The following SDC2 variants were observed in gnomAD, a reference collection of about 807,000 sequenced individuals.
The protein encoded by SDC2 is syndecan 2.
SDC2 carries 13 observed loss-of-function variants against 22.2 expected under a neutral mutation model. The observed-to-expected ratio is 0.59, with a 90% CI of 0.38 to 0.93. The LOEUF (loss-of-function observed/expected upper bound fraction) is 0.93, where lower values mean the gene tolerates loss of function less well. SDC2 is among the 40% of genes least tolerant of loss of function. The pLI is 0.00. For missense variants in SDC2, 235 were observed against 246.8 expected (o/e 0.95, Z 0.32); for synonymous variants, 94 against 92.8 (o/e 1.01, Z -0.07).
In SDC2 at chr8:96,534,745, C is replaced by T. The variant is rs73273564; in HGVS notation, c.60+40414C>T. Among the ~76,000 whole-genome samples, 185 of 151,816 alleles carry T rather than the reference C, an allele frequency of 1.2e-3. 1 individual carries two copies. The highest frequency in any genetic ancestry group is 4.3e-3 in the African/African-American group (180 of 41,416). On this transcript the variant is annotated intron_variant, in intron 1 of 4. Transcript: ENST00000302190. ...AGCCACTGTGCCTGGCTGGCCTTTT[C>T]ACTTTCTATTAATGGTTCTCGGGGT...
intron 1 of SDC2, among the ~76,000 whole-genome samples, chr8:96,562,470 C>T (rs1342142694): frequency 2.0e-5 from 3 of 152,276 alleles, no homozygotes; most frequent in South Asian, 2.1e-4. Context: ...CATGGAGTCC[C>T]TGTGGGACTT....
intron 2 of SDC2, among the ~76,000 whole-genome samples, chr8:96,601,927 T>A (rs1360091794): frequency 6.9e-6 from 1 of 145,458 alleles, no homozygotes; most frequent in Non-Finnish European, 1.5e-5. Context: ...CCCAGCTAAA[T>A]TTTTGAATTT....
At chr8:96,544,945 T>G (rs1430455950) in intron 1 of SDC2, among the ~76,000 whole-genome samples, 1 of 152,190 alleles carries the variant, frequency 6.6e-6, no homozygotes, top group Non-Finnish European at 1.5e-5. Flanking sequence ...GGCCTACCAT[T>G]TAGTTAAATT....
chr8:96,607,053 A>T (rs1815092293), intron 3 of SDC2, among the ~76,000 whole-genome samples: 1 of 152,182 alleles, frequency 6.6e-6, no homozygotes, highest in African/African-American at 2.4e-5. Context: ...CGCAAACGCG[A>T]TTGTGAACTG....
chr8:96,566,486 A>C (rs984275004), intron 1 of SDC2, among the ~76,000 whole-genome samples: 3 of 152,150 alleles, frequency 2.0e-5, no homozygotes, highest in Non-Finnish European at 4.4e-5. Flanking sequence ...ATAACTATCG[A>C]AATGTGGATC....
chr8:96,587,792 C>T (rs1814711145), intron 1 of SDC2, among the ~76,000 whole-genome samples: 1 of 152,096 alleles, frequency 6.6e-6, no homozygotes, highest in African/African-American at 2.4e-5. Flanking sequence ...CCAAGTTCAA[C>T]ACAGCTCTTT....
chr8:96,577,865 C>T (rs1025609482), intron 1 of SDC2, among the ~76,000 whole-genome samples: 1 of 152,186 alleles, frequency 6.6e-6, no homozygotes, highest in Non-Finnish European at 1.5e-5. Flanking sequence ...GCTCCTTTCA[C>T]TTAGCGATGT....
intron 1 of SDC2, among the ~76,000 whole-genome samples, chr8:96,523,019 C>G (rs1813521207): frequency 6.6e-6 from 1 of 152,162 alleles, no homozygotes; most frequent in Non-Finnish European, 1.5e-5. Context: ...CGTATCCTCC[C>G]TTTCAGAGCC....
chr8:96,602,455 T>C lies in SDC2; in HGVS notation c.233T>C (p.Leu78Pro), dbSNP rs377256741. 3.7e-6 allele frequency: 6 copies of C among 1,614,044 alleles called. No homozygotes were observed. Among genetic ancestry groups the C allele is most frequent in the East Asian group, 2.2e-5 (1 of 44,886 alleles). ...ACATCTCGACCACTTCCAAAGATAC[T>C]GTTGACTAGTGCTGCTCCAAAAGTG... ...LTTSRPLPKI[L>P]LTSAAPKVET... is the part of the protein sequence containing the mutation. Residue 78 changes from leucine to proline, a missense_variant, in exon 3 of 5, where the codon CTG becomes CCG. Transcript: ENST00000302190.
chr8:96,552,510 TA>T (rs775594392), intron 1 of SDC2, among the ~76,000 whole-genome samples: 98 of 152,346 alleles, frequency 6.4e-4, no homozygotes, highest in Non-Finnish European at 1.1e-3. Flanking sequence ...TTTGCCATTC[TA>T]AAAAATTGAT....
At chr8:96,535,595 A>G (rs1257449630) in intron 1 of SDC2, among the ~76,000 whole-genome samples, 1 of 152,202 alleles carries the variant, frequency 6.6e-6, no homozygotes, top group Non-Finnish European at 1.5e-5. Flanking sequence ...GACAACGAAG[A>G]GGAATTCCTG....
chr8:96,607,129 C>A (rs1026034945), intron 3 of SDC2, among the ~76,000 whole-genome samples: 1 of 151,718 alleles, frequency 6.6e-6, no homozygotes, highest in Non-Finnish European at 1.5e-5. Flanking sequence ...CCCCCCCACC[C>A]TCCCATTCAT....
intron 1 of SDC2, among the ~76,000 whole-genome samples, chr8:96,531,232 A>G (rs1422806346): frequency 6.6e-6 from 1 of 152,210 alleles, no homozygotes; most frequent in Non-Finnish European, 1.5e-5. Flanking sequence ...GATAAATAGA[A>G]TTTGAGCATT....
intron 2 of SDC2, among the ~76,000 whole-genome samples, chr8:96,596,238 C>T (rs1464922303): frequency 6.6e-6 from 1 of 152,106 alleles, no homozygotes; most frequent in Non-Finnish European, 1.5e-5. Context: ...TCTTTCATTC[C>T]TTTGCTGTGC....
chr8:96,502,331 A>T (rs1477840435), intron 1 of SDC2, among the ~76,000 whole-genome samples: 1 of 152,168 alleles, frequency 6.6e-6, no homozygotes, highest in Non-Finnish European at 1.5e-5. Context: ...CCCTTGAAAT[A>T]TGGGGATTAT....
intron 1 of SDC2, among the ~76,000 whole-genome samples, chr8:96,518,486 A>G (rs561915564): frequency 6.6e-6 from 1 of 151,076 alleles, no homozygotes; most frequent in African/African-American, 2.4e-5. Context: ...TCAGCCTCCC[A>G]AGTAGCTGGG....
chr8:96,587,905 T>A (rs1814713505), intron 1 of SDC2, among the ~76,000 whole-genome samples: 4 of 152,216 alleles, frequency 2.6e-5, no homozygotes, highest in African/African-American at 9.6e-5. Context: ...GACATACATT[T>A]TGAGGTCCCA....
At chr8:96,607,555 A>G (rs1815102038) in intron 3 of SDC2, among the ~76,000 whole-genome samples, 1 of 152,206 alleles carries the variant, frequency 6.6e-6, no homozygotes, top group Non-Finnish European at 1.5e-5. Context: ...TGACGAGTAG[A>G]GTTAAAGGTG....
chr8:96,560,130 C>G (rs1814184153), intron 1 of SDC2, among the ~76,000 whole-genome samples: 2 of 152,046 alleles, frequency 1.3e-5, no homozygotes, highest in African/African-American at 2.4e-5. Flanking sequence ...TAGCAGTCAC[C>G]CCTACCCCTA....
Sources: allele counts gnomAD v4.1 joint callset (sites outside exome capture counted in the v4.1 genomes callset), GRCh38; gene constraint gnomAD v4.1.1; transcripts MANE v1.5; gene names NCBI Gene and HGNC (gene_info 2026-07-23, HGNC 2026-07-21).